COL12A1: variants seen among roughly 807,000 people sequenced by gnomAD.
The protein encoded by COL12A1 is collagen type XII alpha 1 chain.
In COL12A1, 114 loss-of-function variants were observed where a neutral mutation model predicts 349.7. The observed-to-expected ratio is 0.33, with a 90% confidence interval of 0.28 to 0.38. COL12A1 has a LOEUF of 0.38. Ranked by LOEUF, COL12A1 falls within the 10% of genes least tolerant of loss-of-function variation. COL12A1 has a pLI of 1.00. For missense variants in COL12A1, 3,284 were observed against 3,756.9 expected (o/e 0.87, Z 3.29); for synonymous variants, 1,369 against 1,329.0 (o/e 1.03, Z -0.66).
At position 75,154,602 on chromosome 6, in the gene COL12A1, T is replaced by G. The variant is rs188099657; in HGVS notation, c.3444-65A>C. On this transcript the variant is annotated intron_variant, in intron 16 of 65. Transcript: ENST00000322507. ...AGGCTCAAGTGGTAGCACTTTTTTT[T>G]TGCTTTGTTAAAGACATTTTTCTTG... 7.7e-4 allele frequency: 1,154 copies of G among 1,500,258 alleles called. 3 individuals are homozygous for G. The highest frequency in any genetic ancestry group is 9.6e-4 in the Non-Finnish European group (1,072 of 1,121,038). 92.9% of individuals were successfully genotyped at this position (1,500,258 alleles called of 1,614,324 possible).
Position 75,102,703 on chromosome 6 carries a change from CAA to C in COL12A1, c.8320-13_8320-12del, listed in dbSNP as rs1272521411. 14 of 1,521,998 alleles carry C rather than the reference CAA, an allele frequency of 9.2e-6. No individual in the cohort carries two copies. The highest frequency in any genetic ancestry group is 1.4e-5 in the African/African-American group (1 of 70,286). 94.3% of individuals were successfully genotyped at this position (1,521,998 alleles called of 1,614,324 possible). A position where few individuals can be genotyped will look rare whatever the true frequency, so the allele number is the denominator to read the frequency against. The stretch of plus-strand genomic sequence containing the variant: ...AGGACCAGGGGGCCCCTAAAATACA[CAA>C]GAGAGAGACAACCACAAAGTAATGT... On this transcript the variant is annotated splice_polypyrimidine_tract_variant and intron_variant, in intron 55 of 65. Transcript: ENST00000322507.
chr6:75,134,112 T>C (rs1280606320), intron 32 of COL12A1, 115 bp from the exon 33 acceptor site: 1 of 1,168,154 alleles, frequency 8.6e-7, no homozygotes, highest in Non-Finnish European at 1.2e-6. Context: ...CGCACAAACA[T>C]TTGTTGAAGT....
chr6:75,154,347 C>A, intron 17 of COL12A1, 69 bp downstream of exon 17: 1 of 1,540,890 alleles, frequency 6.5e-7, no homozygotes. Flanking sequence ...TTGTATGATA[C>A]CCTAACAGTT....
At chr6:75,160,902 C>A in intron 14 of COL12A1, among the ~76,000 whole-genome samples, 1 of 152,062 alleles carries the variant, frequency 6.6e-6, no homozygotes, top group African/African-American at 2.4e-5. Flanking sequence ...CAATAAAAAC[C>A]AAAACACTTC....
chr6:75,125,191 A>T lies in COL12A1; in HGVS notation c.6543T>A (p.Asp2181Glu). 1.2e-6 allele frequency: 2 copies of T among 1,612,500 alleles called. No homozygotes were observed. Among genetic ancestry groups the T allele is most frequent in the Non-Finnish European group, 1.7e-6 (2 of 1,179,028 alleles). The change falls in exon 40 of 66, where the codon GAT (aspartate) becomes GAA (glutamate). Residue 2181 changes from aspartate to glutamate, a missense_variant. Around this residue, in one of 2 missense-constraint regions of COL12A1, gnomAD observed 2,601 missense variants for 2,824.8 expected, o/e 0.92. Coordinates refer to ENST00000322507, the MANE Select transcript of COL12A1 (RefSeq NM_004370.6). Reference sequence around the variant, plus strand: ...AATCATATTGAGCATAAACATTCACATCGTAGGTGGTGCTGGGATTGAGAT... The same window carrying T: ...AATCATATTGAGCATAAACATTCACTTCGTAGGTGGTGCTGGGATTGAGAT... ...LHNLNPSTTYDVNVYAQYDSG... is the reference protein window; with the variant it reads ...LHNLNPSTTYEVNVYAQYDSG...
At chr6:75,101,555 T>C (rs772159525) in intron 58 of COL12A1, 45 bp downstream of exon 58, 2 of 1,573,500 alleles carry the variant, frequency 1.3e-6, no homozygotes, top group East Asian at 4.5e-5. Context: ...GGCAACCATA[T>C]GACATCATTT....
Position 75,103,869 on chromosome 6 carries a change from A to T in COL12A1, c.8266-59T>A, listed in dbSNP as rs529023421. 6.6e-5 allele frequency: 91 copies of T among 1,388,056 alleles called. No homozygotes were observed. The South Asian group carries it at 1.1e-3, about 17-fold the overall frequency. 86.0% of individuals were successfully genotyped at this position (1,388,056 alleles called of 1,614,324 possible). Reference sequence around the variant, plus strand: ...TAGGAAAATAGGAGGAAGTTGATATACAAAAAGTCCTTCAAGAAAAAGTGC... The same window carrying T: ...TAGGAAAATAGGAGGAAGTTGATATTCAAAAAGTCCTTCAAGAAAAAGTGC... On this transcript the variant is annotated intron_variant, in intron 54 of 65. Transcript: ENST00000322507.
At chr6:75,126,563 G>A (rs949074058) in intron 38 of COL12A1, 93 bp from the exon 39 acceptor site, 2 of 1,360,274 alleles carry the variant, frequency 1.5e-6, no homozygotes, top group Non-Finnish European at 2.0e-6. Context: ...AGCCCAATGG[G>A]AGCAATTTCA....
rs768824483 is a variant in COL12A1, at chr6:75,130,962, G to A, written c.5957C>T (p.Thr1986Met). Residue 1986 changes from threonine (T) to methionine (M), a missense_variant, in exon 36 of 66, where the codon ACG becomes ATG. Around this residue, in one of 2 missense-constraint regions of COL12A1, gnomAD observed 2,601 missense variants for 2,824.8 expected, o/e 0.92. Coordinates refer to ENST00000322507, the MANE Select transcript of COL12A1 (RefSeq NM_004370.6). ...CAGCCGCTCCAGATGCACCATGCGC[G>A]TGTTTCCTGGCACTACTATCTGCAG... ...PSESIVVPGN[T>M]RMVHLERLIP... The A allele has an allele frequency of 1.1e-5, 17 of 1,614,090 alleles. No individual in the cohort carries two copies. The highest frequency in any genetic ancestry group is 1.6e-4 in the Middle Eastern group (1 of 6,062).
chr6:75,202,568 G>T (rs1770585660), intron 2 of COL12A1, 152 bp downstream of exon 2: 1 of 706,648 alleles, frequency 1.4e-6, no homozygotes, highest in African/African-American at 1.8e-5. Flanking sequence ...ACAAACCTCA[G>T]GAGAAAGGGG....
At chr6:75,160,483 T>C (rs1333662938) in intron 14 of COL12A1, among the ~76,000 whole-genome samples, 1 of 152,188 alleles carries the variant, frequency 6.6e-6, no homozygotes, top group Non-Finnish European at 1.5e-5. Flanking sequence ...TCCTCTACCA[T>C]CTGAATAGCA....
At chr6:75,118,904 C>G in intron 46 of COL12A1, 139 bp downstream of exon 46, 1 of 1,092,694 alleles carries the variant, frequency 9.2e-7, no homozygotes, top group Non-Finnish European at 1.3e-6. Context: ...TAAATATAAA[C>G]TAGCATTACG....
chr6:75,187,525 T>C (rs1769691485), intron 8 of COL12A1, among the ~76,000 whole-genome samples: 1 of 152,014 alleles, frequency 6.6e-6, no homozygotes, highest in Non-Finnish European at 1.5e-5. Flanking sequence ...TTTATAATAA[T>C]ACAAAGCAAA....
chr6:75,146,279 TC>T (rs1478292200), intron 23 of COL12A1, 35 bp from the exon 24 acceptor site: 8 of 1,542,404 alleles, frequency 5.2e-6, no homozygotes, highest in Non-Finnish European at 6.1e-6. Flanking sequence ...TCAGTCTAGT[TC>T]CTTTCATTCC....
rs1767510249 is a variant in COL12A1 at position 75,086,678 on chromosome 6, A to G, written c.9182-121T>C. On this transcript the variant is annotated intron_variant, in intron 65 of 65. Transcript: ENST00000322507. Reference sequence around the variant, plus strand: ...TATATATATATATATATATATCCATATATTTTTAGTTATTCTCACATCCCA... The same window carrying G: ...TATATATATATATATATATATCCATGTATTTTTAGTTATTCTCACATCCCA... 5 of 389,450 alleles carry G rather than the reference A, an allele frequency of 1.3e-5. No individual in the cohort carries two copies. In the Admixed American group the frequency reaches 2.7e-4, roughly 21 times the overall value. 24.1% of individuals were successfully genotyped at this position (389,450 alleles called of 1,614,324 possible).
At chr6:75,169,277 T>A (rs1768498023) in intron 13 of COL12A1, among the ~76,000 whole-genome samples, 1 of 152,174 alleles carries the variant, frequency 6.6e-6, no homozygotes, top group African/African-American at 2.4e-5. Context: ...TTAGTTTCAT[T>A]ATATTGGGTT....
intron 21 of COL12A1, among the ~76,000 whole-genome samples, chr6:75,150,179 T>C (rs1279319066): frequency 2.0e-5 from 3 of 152,186 alleles, no homozygotes; most frequent in African/African-American, 4.8e-5. Flanking sequence ...ATAATCTACA[T>C]GTACTTAAAT....
At chr6:75,126,310 C>A (rs1766010674) in intron 39 of COL12A1, 41 bp downstream of exon 39, 1 of 1,585,064 alleles carries the variant, frequency 6.3e-7, no homozygotes, top group Non-Finnish European at 8.6e-7. Flanking sequence ...ATGCAAATAA[C>A]CCTCCAAAGC....
At chr6:75,160,353 G>A (rs534285574) in intron 14 of COL12A1, among the ~76,000 whole-genome samples, 13 of 152,222 alleles carry the variant, frequency 8.5e-5, no homozygotes, top group African/African-American at 3.1e-4. Flanking sequence ...TGCATACCAT[G>A]TCCCTGAGTT....
Sources: gnomAD v4.1 joint callset for allele counts (sites outside exome capture counted in the v4.1 genomes callset) on GRCh38, gnomAD v4.1.1 for gene constraint, gnomAD v4.1.1 regional missense constraint, MANE v1.5 for transcripts, NCBI Gene and HGNC (gene_info 2026-07-23, HGNC 2026-07-21) for gene names.